The following SNTG1 variants were observed in gnomAD, a reference collection of about 807,000 sequenced individuals.
The protein encoded by SNTG1 is gamma-1-syntrophin.
A neutral mutation model predicts 74.7 loss-of-function variants in SNTG1; 39 were observed. That is an observed-to-expected ratio of 0.52 (90% CI 0.40 to 0.68). The LOEUF (loss-of-function observed/expected upper bound fraction) is 0.68, where lower values mean the gene tolerates loss of function less well. Among genes scored for constraint, SNTG1 ranks in the 30% least tolerant of loss-of-function variants. The probability of loss-of-function intolerance (pLI) is 0.00; values close to 1 mark genes in which losing one functional copy is unlikely to be tolerated. For missense variants in SNTG1, 685 were observed against 609.5 expected (o/e 1.12, Z -1.30); for synonymous variants, 254 against 217.1 (o/e 1.17, Z -1.49).
intron 1 of SNTG1, among the ~76,000 whole-genome samples, chr8:49,982,603 CAAA>C (rs33971834): frequency 1.6e-5 from 2 of 126,330 alleles, no homozygotes; most frequent in Admixed American, 1.6e-4. Context: ...GAGGCTGAAG[CAAA>C]AAAAAAAAAA....
intron 2 of SNTG1, among the ~76,000 whole-genome samples, chr8:50,204,880 C>G (rs1415042137): frequency 6.6e-6 from 1 of 152,146 alleles, no homozygotes; most frequent in African/African-American, 2.4e-5. Context: ...TCATCCATGT[C>G]CCTACAAAGG....
At chr8:49,930,523 G>A (rs564879703) in intron 1 of SNTG1, among the ~76,000 whole-genome samples, 117 of 151,338 alleles carry the variant, frequency 7.7e-4, no homozygotes, top group African/African-American at 2.4e-3. Context: ...ATATATATAT[G>A]TGTGTGTAGC....
intron 2 of SNTG1, among the ~76,000 whole-genome samples, chr8:50,221,188 T>A (rs1369661538): frequency 6.6e-6 from 1 of 152,120 alleles, no homozygotes; most frequent in Non-Finnish European, 1.5e-5. Context: ...GGAAGACATA[T>A]AAATGTACAC....
intron 15 of SNTG1, among the ~76,000 whole-genome samples, chr8:50,680,846 T>C (rs1413014428): frequency 6.6e-6 from 1 of 152,084 alleles, no homozygotes; most frequent in Non-Finnish European, 1.5e-5. Flanking sequence ...AGACAGTAAA[T>C]GACCCGCAGG....
intron 1 of SNTG1, among the ~76,000 whole-genome samples, chr8:49,940,380 C>T (rs1585589362): frequency 6.6e-6 from 1 of 152,108 alleles, no homozygotes; most frequent in East Asian, 1.9e-4. Context: ...AGTAGATTTT[C>T]CTGGGAAATA....
intron 1 of SNTG1, among the ~76,000 whole-genome samples, chr8:49,994,489 T>A (rs567294301): frequency 6.6e-6 from 1 of 150,750 alleles, no homozygotes; most frequent in African/African-American, 2.4e-5. Context: ...GGTCTCAAAC[T>A]CTTGACCTCA....
intron 2 of SNTG1, chr8:50,286,527 AT>A (rs2088794207): frequency 6.6e-6 from 1 of 152,114 alleles, no homozygotes; most frequent in Admixed American, 6.6e-5. Flanking sequence ...TTCTCTTGAT[AT>A]TTGTATTAGG....
At chr8:50,716,059 C>G (rs1210725934) in intron 17 of SNTG1, among the ~76,000 whole-genome samples, 2 of 152,008 alleles carry the variant, frequency 1.3e-5, no homozygotes, top group African/African-American at 2.4e-5. Context: ...TACTGTTTCT[C>G]CCAAAGGTGT....
intron 9 of SNTG1, among the ~76,000 whole-genome samples, chr8:50,509,862 G>A (rs965829647): frequency 1.2e-3 from 175 of 152,090 alleles, no homozygotes; most frequent in African/African-American, 4.1e-3. Flanking sequence ...TCATCTGCAA[G>A]CAGGGACAAT....
rs972538621 is a variant in SNTG1 at position 50,089,753 on chromosome 8, A to C, written c.-102-82808A>C. 7.2e-5 allele frequency among the ~76,000 whole-genome samples: 11 copies of C among 152,224 alleles called. 1 individual carries two copies. Among genetic ancestry groups the C allele is most frequent in the African/African-American group, 2.4e-4 (10 of 41,522 alleles). On this transcript the variant is annotated intron_variant, in intron 1 of 18. Transcript: ENST00000642720. The stretch of plus-strand genomic sequence containing the variant: ...AATGGCAATCATTAAAAAGTCAGGA[A>C]ACAACAGGTGCTGGAGAGGATGTGG...
chr8:50,577,365 C>T (rs574768617), intron 12 of SNTG1, among the ~76,000 whole-genome samples: 52 of 151,514 alleles, frequency 3.4e-4, no homozygotes, highest in Non-Finnish European at 2.7e-4. Flanking sequence ...TGCTGTTGCA[C>T]TGTTGAATGT....
intron 13 of SNTG1, among the ~76,000 whole-genome samples, chr8:50,609,811 C>T (rs1459402802): frequency 6.6e-6 from 1 of 151,764 alleles, no homozygotes; most frequent in East Asian, 1.9e-4. Flanking sequence ...CTATTCTTTT[C>T]TACTCTAAAA....
At chr8:50,640,202 G>C (rs2095063543) in intron 13 of SNTG1, among the ~76,000 whole-genome samples, 1 of 152,092 alleles carries the variant, frequency 6.6e-6, no homozygotes, top group East Asian at 1.9e-4. Flanking sequence ...TGGTGCATCT[G>C]CCTATGAAAA....
chr8:50,664,000 TC>T (rs1028035614), intron 15 of SNTG1, among the ~76,000 whole-genome samples: 1 of 152,146 alleles, frequency 6.6e-6, no homozygotes, highest in African/African-American at 2.4e-5. Context: ...CCAGATCTTG[TC>T]CCCGAACTCT....
At chr8:50,758,675 G>T (rs1332105536) in intron 18 of SNTG1, among the ~76,000 whole-genome samples, 1 of 152,090 alleles carries the variant, frequency 6.6e-6, no homozygotes, top group Non-Finnish European at 1.5e-5. Context: ...TGGCTGCATA[G>T]TATTCCATGA....
intron 1 of SNTG1, among the ~76,000 whole-genome samples, chr8:49,950,826 C>A (rs1563386184): frequency 6.6e-6 from 1 of 152,142 alleles, no homozygotes; most frequent in Non-Finnish European, 1.5e-5. Context: ...CCAAATGCTC[C>A]CCAGCTCTCC....
At chr8:50,127,152 T>A (rs7013995) in intron 1 of SNTG1, among the ~76,000 whole-genome samples, 31,079 of 151,686 alleles carry the variant, frequency 0.2, 3,300 homozygotes, top group South Asian at 0.37. Flanking sequence ...GATTCCTGAG[T>A]GAAGGGGGAG....
chr8:50,741,369 C>T lies in SNTG1; in HGVS notation c.1285-10632C>T, dbSNP rs953468675. The stretch of plus-strand genomic sequence containing the variant: ...AATTCCTGACCTCAGGTGATCTTCC[C>T]GCATCCACTTCCCAAGTGTTGGGAT... On this transcript the variant is annotated intron_variant, in intron 17 of 18. Coordinates refer to ENST00000642720, the MANE Select transcript of SNTG1 (RefSeq NM_018967.5). 4.6e-5 allele frequency among the ~76,000 whole-genome samples: 7 copies of T among 152,082 alleles called. No individual in the cohort carries two copies. In the South Asian group the frequency reaches 1.0e-3, roughly 23 times the overall value.
intron 9 of SNTG1, among the ~76,000 whole-genome samples, chr8:50,528,709 C>T (rs904623746): frequency 3.3e-5 from 5 of 151,364 alleles, no homozygotes; most frequent in South Asian, 2.1e-4. Context: ...TTATCATGAC[C>T]GCTCATCATT....
Sources: gnomAD v4.1 joint callset for allele counts (sites outside exome capture counted in the v4.1 genomes callset) on GRCh38, gnomAD v4.1.1 for gene constraint, MANE v1.5 for transcripts, NCBI Gene and HGNC (gene_info 2026-07-23, HGNC 2026-07-21) for gene names.